NXPE2: variants seen among roughly 807,000 people sequenced by gnomAD.
NXPE2 encodes neurexophilin and PC-esterase domain family member 2.
A neutral mutation model predicts 34.4 loss-of-function variants in NXPE2; 34 were observed. That is an observed-to-expected ratio of 0.99 (90% CI 0.75 to 1.31). The LOEUF is 1.31. NXPE2 is among the 40% of genes most tolerant of loss of function. The pLI is 0.00. For missense variants in NXPE2, 649 were observed against 672.5 expected (o/e 0.97, Z 0.39); for synonymous variants, 235 against 231.3 (o/e 1.02, Z -0.15).
At chr11:114,541,484 T>A in the NXPE2 span, among the ~76,000 whole-genome samples, 1 of 152,328 alleles carries the variant, frequency 6.6e-6, no homozygotes, top group Middle Eastern at 3.4e-3. Context: ...TTGAATAGAT[T>A]TATTCTGAGC....
the NXPE2 span, among the ~76,000 whole-genome samples, chr11:114,581,411 TGTG>T: frequency 1.3e-5 from 2 of 152,068 alleles, no homozygotes; most frequent in African/African-American, 4.8e-5. Context: ...AGAGAGGTGT[TGTG>T]GTGAGGTAAA....
chr11:114,635,917 T>G, the NXPE2 span, among the ~76,000 whole-genome samples: 2 of 152,104 alleles, frequency 1.3e-5, no homozygotes, highest in African/African-American at 4.8e-5. Context: ...GATATTGGTC[T>G]AAAATTCTCT....
At chr11:114,582,404 T>C in the NXPE2 span, 2 of 1,614,092 alleles carry the variant, frequency 1.2e-6, no homozygotes, top group African/African-American at 1.3e-5. Flanking sequence ...AGAAGCCTTC[T>C]TGGTCTCTGT....
At chr11:114,568,996 A>G in the NXPE2 span, among the ~76,000 whole-genome samples, 1 of 152,204 alleles carries the variant, frequency 6.6e-6, no homozygotes, top group Non-Finnish European at 1.5e-5. Context: ...AATGTTGACC[A>G]TCTGAGTGTA....
At chr11:114,630,928 C>T in the NXPE2 span, among the ~76,000 whole-genome samples, 154 of 151,590 alleles carry the variant, frequency 1.0e-3, 1 homozygote, top group Admixed American at 8.3e-3. Context: ...AAAAAATGCT[C>T]ACCATCACTG....
At chr11:114,592,725 A>G in the NXPE2 span, among the ~76,000 whole-genome samples, 15 of 152,314 alleles carry the variant, frequency 9.8e-5, 1 homozygote, top group South Asian at 2.9e-3. Flanking sequence ...TAGCCAAAGC[A>G]ATTCTGAGCA....
the NXPE2 span, among the ~76,000 whole-genome samples, chr11:114,726,793 G>T: frequency 6.6e-6 from 1 of 152,006 alleles, no homozygotes; most frequent in African/African-American, 2.4e-5. Context: ...TAAAACACTA[G>T]AACTCAAACA....
At chr11:114,559,312 C>T in the NXPE2 span, among the ~76,000 whole-genome samples, 255 of 152,316 alleles carry the variant, frequency 1.7e-3, 1 homozygote, top group African/African-American at 6.0e-3. Flanking sequence ...TCCAGCATAA[C>T]TCTAGACCAC....
At chr11:114,670,720 G>A in the NXPE2 span, among the ~76,000 whole-genome samples, 3 of 151,604 alleles carry the variant, frequency 2.0e-5, no homozygotes, top group Admixed American at 6.6e-5. Context: ...AGTAAAACAA[G>A]CAAACAACAA....
At chr11:114,549,831 A>G in the NXPE2 span, among the ~76,000 whole-genome samples, 1 of 152,106 alleles carries the variant, frequency 6.6e-6, no homozygotes, top group Admixed American at 6.6e-5. Flanking sequence ...GAAAAACCCC[A>G]AAGTATCAAT....
chr11:114,511,041 G>A, the NXPE2 span, among the ~76,000 whole-genome samples: 36 of 152,146 alleles, frequency 2.4e-4, no homozygotes, highest in African/African-American at 8.7e-4. Context: ...TACCAACCTA[G>A]GAAATTAATA....
chr11:114,505,850 A>G, the NXPE2 span, among the ~76,000 whole-genome samples: 8 of 152,194 alleles, frequency 5.3e-5, no homozygotes, highest in African/African-American at 1.9e-4. Context: ...TCATGATGAC[A>G]GAATTACATC....
At position 114,706,696 on chromosome 11, in the gene NXPE2, G is replaced by C; in HGVS notation, c.1446G>C (p.Glu482Asp). The C allele has an allele frequency of 6.4e-7, 1 of 1,552,158 alleles. No homozygotes were observed. The highest frequency in any genetic ancestry group is 8.7e-7 in the Non-Finnish European group (1 of 1,147,072). ...AACGTCTATTCTTGCGAAGCCCGGA[G>C]ACCAAGGTGATACTTAAAACTGAAA... Reference protein sequence around the residue: ...AIERLFLRSPETKVILKTENT... With the variant: ...AIERLFLRSPDTKVILKTENT... The change falls in exon 6 of 6, where the codon GAG (glutamate) becomes GAC (aspartate). Residue 482 changes from glutamate to aspartate, a missense_variant. Transcript: ENST00000389586.
At chr11:114,711,401 G>T (rs1256062884), downstream of NXPE2, among the ~76,000 whole-genome samples, 1 of 152,006 alleles carries the variant, frequency 6.6e-6, no homozygotes, top group Non-Finnish European at 1.5e-5. Flanking sequence ...GAAACTATTA[G>T]AACTAGGAAA....
chr11:114,604,059 C>T, the NXPE2 span, among the ~76,000 whole-genome samples: 3 of 151,816 alleles, frequency 2.0e-5, no homozygotes, highest in African/African-American at 7.3e-5. Context: ...ACTACTGCTA[C>T]CTGGTGGATA....
At chr11:114,585,706 G>A in the NXPE2 span, among the ~76,000 whole-genome samples, 3 of 152,054 alleles carry the variant, frequency 2.0e-5, no homozygotes, top group Non-Finnish European at 4.4e-5. Flanking sequence ...GACAGTGAGG[G>A]TAAAGGAGTC....
At chr11:114,587,408 A>T in the NXPE2 span, among the ~76,000 whole-genome samples, 2 of 152,318 alleles carry the variant, frequency 1.3e-5, no homozygotes, top group South Asian at 4.1e-4. Flanking sequence ...TACAGCTCAA[A>T]CCTGCATTCT....
intron 2 of NXPE2, among the ~76,000 whole-genome samples, chr11:114,690,106 A>G (rs1309376229): frequency 6.6e-6 from 1 of 152,020 alleles, no homozygotes; most frequent in Non-Finnish European, 1.5e-5. Flanking sequence ...TTGATAATTG[A>G]TATGTAAGGT....
chr11:114,771,028 A>G, the NXPE2 span, among the ~76,000 whole-genome samples: 3 of 152,256 alleles, frequency 2.0e-5, no homozygotes, highest in East Asian at 3.9e-4. Flanking sequence ...TGGCTCTGAT[A>G]TTGTAAGAAT....
Sources: gnomAD v4.1 joint callset for allele counts (sites outside exome capture counted in the v4.1 genomes callset) on GRCh38, gnomAD v4.1.1 for gene constraint, MANE v1.5 for transcripts, NCBI Gene and HGNC (gene_info 2026-07-23, HGNC 2026-07-21) for gene names.